Variants in DUS3L observed in about 807,000 individuals in gnomAD.
DUS3L encodes the protein tRNA-dihydrouridine(47) synthase [NAD(P)(+)]-like.
DUS3L carries 62 observed loss-of-function variants against 74.6 expected under a neutral mutation model. That is an observed-to-expected ratio of 0.83 (90% confidence interval 0.68 to 1.03). The LOEUF is 1.03. Ranked by LOEUF, DUS3L falls within the 50% of genes least tolerant of loss-of-function variation. The pLI is 0.00. For missense variants in DUS3L, 884 were observed against 924.4 expected (o/e 0.96, Z 0.57); for synonymous variants, 433 against 395.7 (o/e 1.09, Z -1.12).
At chr19:5,787,845 T>C in intron 5 of DUS3L, 140 bp from the exon 6 acceptor site, 1 of 1,427,196 alleles carries the variant, frequency 7.0e-7, no homozygotes, top group Non-Finnish European at 9.6e-7. Flanking sequence ...AAGGTCTGTC[T>C]GCGAGGCACC....
At chr19:5,785,568 A>C (rs752688468) in intron 11 of DUS3L, 35 bp downstream of exon 11, 7 of 1,573,364 alleles carry the variant, frequency 4.4e-6, no homozygotes, top group Non-Finnish European at 6.0e-6. Flanking sequence ...GCCGCGGCCC[A>C]CGCGCCGCCC....
chr19:5,791,055 G>A lies in DUS3L; in HGVS notation c.87C>T (p.Pro29=), dbSNP rs751286488. ...CCCCGGCGACTCACTGACGCTTAATGGGCGCCACTCCTCGTTCCAAAGCTC... is the reference window on the plus strand; with the variant it reads ...CCCCGGCGACTCACTGACGCTTAATAGGCGCCACTCCTCGTTCCAAAGCTC... The part of the protein sequence containing the change: ...GAGALERGVA[P]IKRQYLTTKE... Residue 29 remains proline, a synonymous_variant, in exon 1 of 13, where the codon CCC becomes CCT. Coordinates refer to ENST00000309061, the MANE Select transcript of DUS3L (RefSeq NM_020175.3). 1.2e-6 allele frequency: 2 copies of A among 1,603,646 alleles called. No homozygotes were observed. Among genetic ancestry groups the A allele is most frequent in the East Asian group, 4.5e-5 (2 of 44,560 alleles).
intron 6 of DUS3L, 96 bp from the exon 7 acceptor site, chr19:5,787,457 C>A: frequency 5.9e-6 from 9 of 1,525,148 alleles, no homozygotes; most frequent in Admixed American, 1.7e-5. Flanking sequence ...GAGACGCCGA[C>A]CTGCAGGAAA....
rs1456120695 is a variant in DUS3L at position 5,787,309 on chromosome 19, C to T, written c.1265G>A (p.Arg422His). Residue 422 changes from arginine (R) to histidine (H), a missense_variant, in exon 7 of 13, where the codon CGT becomes CAT. Coordinates refer to ENST00000309061, the MANE Select transcript of DUS3L (RefSeq NM_020175.3). ...GGCTGGCCGTACCTGGTTCATGCCA[C>T]GGACGATCTGCTGGAACTTGGTGGA... ...NRSTKFQQIV[R>H]GMNQVLDVPL... 1.4e-5 allele frequency: 15 copies of T among 1,080,494 alleles called. No homozygotes were observed. The African/African-American group carries it at 2.6e-4, about 18-fold the overall frequency. The allele number at this position is 1,080,494 out of a possible 1,614,324, so 66.9% of individuals were successfully genotyped here.
chr19:5,787,930 G>T lies in DUS3L; in HGVS notation c.1095+94C>A, dbSNP rs995697170. Reference sequence around the variant, plus strand: ...CCCACTCCACAGCTGAGGCCAGGGGGTCAGGGAGGCAACCAGGGCAGACCT... The same window carrying T: ...CCCACTCCACAGCTGAGGCCAGGGGTTCAGGGAGGCAACCAGGGCAGACCT... On this transcript the variant is annotated intron_variant, in intron 5 of 12. Coordinates refer to ENST00000309061, the MANE Select transcript of DUS3L (RefSeq NM_020175.3). 2.6e-4 allele frequency: 401 copies of T among 1,549,586 alleles called. 1 individual carries two copies. The highest frequency in any genetic ancestry group is 6.3e-5 in the Non-Finnish European group (72 of 1,150,840).
intron 6 of DUS3L, 108 bp downstream of exon 6, chr19:5,787,480 AG>A: frequency 6.0e-6 from 9 of 1,510,122 alleles, no homozygotes; most frequent in Non-Finnish European, 8.2e-6. Flanking sequence ...CAGGGACTCC[AG>A]GGCCACACTT....
chr19:5,789,318 C>G lies in DUS3L; in HGVS notation c.789G>C (p.Gln263His). ...GAPRQENCGA[Q>H]QVPAGPGTST... ...TAGTGCCCGGCCCTGCGGGGACCTG[C>G]TGGGCACCACAGTTTTCCTGCCTGG... The change falls in exon 3 of 13, where the codon CAG becomes CAC. Residue 263 changes from glutamine (Q) to histidine (H), a missense_variant. Coordinates refer to ENST00000309061, the MANE Select transcript of DUS3L (RefSeq NM_020175.3). The G allele has an allele frequency of 6.2e-7, 1 of 1,605,366 alleles. No individual in the cohort carries two copies. Among genetic ancestry groups the G allele is most frequent in the Non-Finnish European group, 8.5e-7 (1 of 1,176,392 alleles).
At position 5,787,700 on chromosome 19, in the gene DUS3L, C is replaced by T; in HGVS notation, c.1101G>A (p.Glu367=). ...QCEDIFGVQL[E]GAFPDTMTKC... ...TGGTCATGGTGTCGGGGAAGGCGCC[C>T]TCCAGCTGTAGGTGGGTAGTGGCAG... is the stretch of plus-strand genomic sequence containing the variant. The change falls in exon 6 of 13, where the codon GAG becomes GAA. Residue 367 remains glutamate, a synonymous_variant. Coordinates refer to ENST00000309061, the MANE Select transcript of DUS3L (RefSeq NM_020175.3). 6.2e-7 allele frequency: 1 copy of T among 1,613,264 alleles called. No individual in the cohort carries two copies. Among genetic ancestry groups the T allele is most frequent in the South Asian group, 1.1e-5 (1 of 91,084 alleles).
At chr19:5,789,842 AC>A in intron 2 of DUS3L, 123 bp from the exon 3 acceptor site, 3 of 1,350,722 alleles carry the variant, frequency 2.2e-6, no homozygotes, top group Non-Finnish European at 2.0e-6. Flanking sequence ...CAGGCACCTC[AC>A]CGTGCCTCTG....
Position 5,787,934 on chromosome 19 carries a change from G to C in DUS3L, c.1095+90C>G, listed in dbSNP as rs1370946236. On this transcript the variant is annotated intron_variant, in intron 5 of 12. Transcript: ENST00000309061. ...CTCCACAGCTGAGGCCAGGGGGTCA[G>C]GGAGGCAACCAGGGCAGACCTGGAA... is the stretch of plus-strand genomic sequence containing the variant. 5 of 1,557,930 alleles carry C rather than the reference G, an allele frequency of 3.2e-6. No individual in the cohort carries two copies. In the African/African-American group the frequency reaches 5.4e-5, roughly 17 times the overall value.
In DUS3L at chr19:5,790,107, G is replaced by C. The variant is rs1253736340; in HGVS notation, c.327C>G (p.Gly109=). Residue 109 remains glycine, a synonymous_variant, in exon 2 of 13, where the codon GGC becomes GGG. Transcript: ENST00000309061. The stretch of plus-strand genomic sequence containing the variant: ...AGTTCGTGGGCTTCACATGGGGCCG[G>C]CCCTTGTTTTGTCCCCGGGCCCTCT... ...TQKRARGQNK[G]RPHVKPTNYD... The C allele has an allele frequency of 6.2e-7, 1 of 1,614,164 alleles. No homozygotes were observed. Among genetic ancestry groups the C allele is most frequent in the South Asian group, 1.1e-5 (1 of 91,082 alleles).
chr19:5,787,364 G>C lies in DUS3L; in HGVS notation c.1213-3C>G. On this transcript the variant is annotated splice_polypyrimidine_tract_variant and splice_region_variant and intron_variant, in intron 6 of 12. Coordinates refer to ENST00000309061, the MANE Select transcript of DUS3L (RefSeq NM_020175.3). ...TTCATGAGGGCACAGCCCCCACCCT[G>C]GAAGAGACAGGCGGGTGGAGGGAGG... 1 of 1,613,454 alleles carries C rather than the reference G, an allele frequency of 6.2e-7. No individual in the cohort carries two copies. Among genetic ancestry groups the C allele is most frequent in the Non-Finnish European group, 8.5e-7 (1 of 1,179,888 alleles).
chr19:5,790,945 G>A (rs1158568072), intron 1 of DUS3L, 99 bp downstream of exon 1: 1 of 1,204,988 alleles, frequency 8.3e-7, no homozygotes, highest in Admixed American at 2.3e-5. Context: ...GTGGCTTCTC[G>A]CCCTCAGCCG....
intron 3 of DUS3L, among the ~76,000 whole-genome samples, chr19:5,788,670 A>T (rs1256794165): frequency 1.4e-5 from 2 of 145,420 alleles, no homozygotes; most frequent in Non-Finnish European, 3.0e-5. Context: ...CCGCTGCCCG[A>T]CCCTGACCCT....
At position 5,788,011 on chromosome 19, in the gene DUS3L, G is replaced by A. The variant is rs1167687433; in HGVS notation, c.1095+13C>T. ...GGCCCCTCCACTCTCCCTCCCTCGG[G>A]GTGGGCACTGACCTGGACGCCAAAG... On this transcript the variant is annotated intron_variant, in intron 5 of 12. Coordinates refer to ENST00000309061, the MANE Select transcript of DUS3L (RefSeq NM_020175.3). 1.2e-6 allele frequency: 2 copies of A among 1,611,474 alleles called. No homozygotes were observed. Among genetic ancestry groups the A allele is most frequent in the African/African-American group, 2.7e-5 (2 of 74,918 alleles).
chr19:5,790,397 G>A lies in DUS3L; in HGVS notation c.99-62C>T, dbSNP rs530332187. 34 of 1,593,622 alleles carry A rather than the reference G, an allele frequency of 2.1e-5. No individual in the cohort carries two copies. In the South Asian group the frequency reaches 2.3e-4, roughly 11 times the overall value. Reference sequence around the variant, plus strand: ...TAGTCAATAAACACTGGGGAAAGGAGGCTAGAAACACTTGCACGTCCTTAA... The same window carrying A: ...TAGTCAATAAACACTGGGGAAAGGAAGCTAGAAACACTTGCACGTCCTTAA... On this transcript the variant is annotated intron_variant, in intron 1 of 12. Transcript: ENST00000309061.
At chr19:5,785,336 C>T (rs1385372600) in intron 12 of DUS3L, 47 bp downstream of exon 12, 1 of 1,606,832 alleles carries the variant, frequency 6.2e-7, no homozygotes, top group South Asian at 1.1e-5. Context: ...CCCTCCGTGA[C>T]CCCGGGCCCC....
rs748547022 is a variant in DUS3L at position 5,785,484 on chromosome 19, C to A, written c.1779G>T (p.Arg593=). The A allele has an allele frequency of 2.5e-6, 4 of 1,573,098 alleles. No homozygotes were observed. In the South Asian group the frequency reaches 3.5e-5, roughly 14 times the overall value. ...GCCGCTCGTTGATCCTCTGTGGGAGCCGCTCCAGCAGCCCCACGGGCACGT... is the reference window on the plus strand; with the variant it reads ...GCCGCTCGTTGATCCTCTGTGGGAGACGCTCCAGCAGCCCCACGGGCACGT... ...CRYVPVGLLE[R]LPQRINERPP... is the part of the protein sequence containing the mutation. The change falls in exon 12 of 13, where the codon CGG becomes CGT. Residue 593 remains arginine (R), a synonymous_variant. Transcript: ENST00000309061.
At chr19:5,786,000 G>A (rs2436488) in intron 10 of DUS3L, 137,441 of 588,040 alleles carry the variant, frequency 0.23, 21,419 homozygotes, top group African/African-American at 0.55. Flanking sequence ...CCCAGGCTGG[G>A]GTGCAGTGGT....
Sources: allele counts gnomAD v4.1 joint callset (sites outside exome capture counted in the v4.1 genomes callset), GRCh38; gene constraint gnomAD v4.1.1; transcripts MANE v1.5; gene names NCBI Gene and HGNC (gene_info 2026-07-23, HGNC 2026-07-21).